IFT25: variants seen among roughly 807,000 people sequenced by gnomAD.
The protein encoded by IFT25 is intraflagellar transport 25, also known as intraflagellar transport protein 25 homolog.
chr1:53,934,181 T>C, the IFT25 span, among the ~76,000 whole-genome samples: 1 of 152,212 alleles, frequency 6.6e-6, no homozygotes, highest in Non-Finnish European at 1.5e-5. Flanking sequence ...TCCTTTAGCA[T>C]TCCTTATGAT....
chr1:53,943,712 C>G, the IFT25 span, among the ~76,000 whole-genome samples: 2 of 152,072 alleles, frequency 1.3e-5, no homozygotes, highest in African/African-American at 4.8e-5. Context: ...CAACGTCTGC[C>G]TCCCGGGCTC....
At chr1:53,930,140 G>T in the IFT25 span, 1 of 1,545,850 alleles carries the variant, frequency 6.5e-7, no homozygotes, top group Admixed American at 2.4e-5. Flanking sequence ...AAACGTTTCT[G>T]GATTCCTATT....
chr1:53,945,685 G>C, the IFT25 span: 2 of 151,450 alleles, frequency 1.3e-5, no homozygotes, highest in Non-Finnish European at 2.9e-5. Flanking sequence ...CCGGGGTCGC[G>C]CGCGCTCCAA....
chr1:53,916,758 T>A, the IFT25 span: 4 of 384,196 alleles, frequency 1.0e-5, no homozygotes, highest in East Asian at 1.5e-4. Flanking sequence ...CCCAAATTCA[T>A]CATTATGAAT....
chr1:53,914,189 G>C, the IFT25 span, among the ~76,000 whole-genome samples: 2 of 152,142 alleles, frequency 1.3e-5, no homozygotes, highest in African/African-American at 4.8e-5. Flanking sequence ...GGGACTGTTG[G>C]ATAAGCCTTT....
chr1:53,938,125 G>A, the IFT25 span, among the ~76,000 whole-genome samples: 3 of 152,076 alleles, frequency 2.0e-5, no homozygotes, highest in Non-Finnish European at 4.4e-5. Flanking sequence ...TCTTTACAAC[G>A]GGGTTGAAAA....
chr1:53,922,240 C>A, the IFT25 span, among the ~76,000 whole-genome samples: 2 of 152,000 alleles, frequency 1.3e-5, no homozygotes, highest in Non-Finnish European at 1.5e-5. Context: ...ACTAAAAATA[C>A]GAAATTAGCT....
chr1:53,933,135 C>CTTTTTTTT, the IFT25 span, among the ~76,000 whole-genome samples: 1 of 131,292 alleles, frequency 7.6e-6, no homozygotes, highest in Non-Finnish European at 1.6e-5. Flanking sequence ...TCCTTTTTCT[C>CTTTTTTTT]TTTTTTTTTT....
the IFT25 span, among the ~76,000 whole-genome samples, chr1:53,933,985 A>T: frequency 6.6e-6 from 1 of 152,160 alleles, no homozygotes; most frequent in Non-Finnish European, 1.5e-5. Flanking sequence ...TATATTTTAC[A>T]TATATAATAT....
the IFT25 span, among the ~76,000 whole-genome samples, chr1:53,935,170 C>T: frequency 2.6e-5 from 4 of 152,054 alleles, no homozygotes; most frequent in African/African-American, 7.2e-5. Context: ...AAAAATTAGA[C>T]GGATGTGGTG....
chr1:53,923,715 G>A, the IFT25 span: 1 of 506,628 alleles, frequency 2.0e-6, no homozygotes, highest in Non-Finnish European at 3.5e-6. Flanking sequence ...CTCTATGAAA[G>A]GTAAGAACCT....
At chr1:53,940,351 A>C in the IFT25 span, among the ~76,000 whole-genome samples, 11 of 152,218 alleles carry the variant, frequency 7.2e-5, no homozygotes, top group African/African-American at 2.7e-4. Context: ...AAAAAACAAA[A>C]ACACAGAGGT....
At chr1:53,914,488 A>T in the IFT25 span, among the ~76,000 whole-genome samples, 2 of 151,972 alleles carry the variant, frequency 1.3e-5, no homozygotes, top group East Asian at 1.9e-4. Flanking sequence ...TATATATATA[A>T]AATTCATATC....
At chr1:53,935,685 A>T in the IFT25 span, among the ~76,000 whole-genome samples, 1 of 151,320 alleles carries the variant, frequency 6.6e-6, no homozygotes, top group South Asian at 2.1e-4. Flanking sequence ...GCTGGAGTAC[A>T]GTGGCACAAA....
At chr1:53,942,495 A>G in the IFT25 span, among the ~76,000 whole-genome samples, 2 of 152,364 alleles carry the variant, frequency 1.3e-5, no homozygotes, top group South Asian at 2.1e-4. Context: ...TGTTACAGTG[A>G]CATAGCTGAG....
the IFT25 span, among the ~76,000 whole-genome samples, chr1:53,933,998 C>T: frequency 2.2e-4 from 33 of 151,908 alleles, no homozygotes; most frequent in Non-Finnish European, 4.1e-4. Context: ...TATAATATAT[C>T]CCATAATACA....
At chr1:53,919,994 T>G in the IFT25 span, among the ~76,000 whole-genome samples, 7 of 152,172 alleles carry the variant, frequency 4.6e-5, no homozygotes, top group African/African-American at 1.7e-4. Flanking sequence ...ATATGGGGTC[T>G]AGCTATGTTG....
At chr1:53,933,136 T>C in the IFT25 span, among the ~76,000 whole-genome samples, 1 of 98,392 alleles carries the variant, frequency 1.0e-5, no homozygotes, top group Non-Finnish European at 2.0e-5. Flanking sequence ...CCTTTTTCTC[T>C]TTTTTTTTTT....
chr1:53,912,105 C>A, the IFT25 span, among the ~76,000 whole-genome samples: 1 of 152,124 alleles, frequency 6.6e-6, no homozygotes, highest in Non-Finnish European at 1.5e-5. Flanking sequence ...GGGACTGAAG[C>A]ACAGATGAGC....
Sources: gnomAD v4.1 joint callset for allele counts (sites outside exome capture counted in the v4.1 genomes callset) on GRCh38, gnomAD v4.1.1 for gene constraint, MANE v1.5 for transcripts, NCBI Gene and HGNC (gene_info 2026-07-23, HGNC 2026-07-21) for gene names.